ARL8B: variants seen among roughly 807,000 people sequenced by gnomAD.
The protein encoded by ARL8B is ARF like GTPase 8B, also known as ADP-ribosylation factor-like protein 8B.
In ARL8B, 9 loss-of-function variants were observed where a neutral mutation model predicts 30.6. The observed-to-expected ratio is 0.29, with a 90% CI of 0.18 to 0.51. ARL8B has a LOEUF of 0.51. Among genes scored for constraint, ARL8B ranks in the 20% least tolerant of loss-of-function variants. ARL8B has a pLI of 0.97. For missense variants in ARL8B, 130 were observed against 227.2 expected (o/e 0.57, Z 2.75); for synonymous variants, 74 against 76.0 (o/e 0.97, Z 0.14).
At chr3:5,165,638 A>G (rs2054617330) in intron 1 of ARL8B, among the ~76,000 whole-genome samples, 1 of 152,186 alleles carries the variant, frequency 6.6e-6, no homozygotes, top group African/African-American at 2.4e-5. Context: ...GTGGCTTGAT[A>G]ACTACACCCT....
intron 1 of ARL8B, among the ~76,000 whole-genome samples, chr3:5,133,090 T>C (rs1559275929): frequency 7.6e-6 from 1 of 131,136 alleles, no homozygotes; most frequent in African/African-American, 3.3e-5. Context: ...GAACTGCCGA[T>C]ATCATGTGGG....
At chr3:5,134,356 GT>G (rs1357546581) in intron 1 of ARL8B, among the ~76,000 whole-genome samples, 4 of 152,184 alleles carry the variant, frequency 2.6e-5, no homozygotes, top group Admixed American at 2.0e-4. Flanking sequence ...CCCAGAAGAG[GT>G]CTTTAATAGC....
At chr3:5,170,447 T>G (rs1025539377) in intron 1 of ARL8B, 56 bp from the exon 2 acceptor site, 4 of 1,187,390 alleles carry the variant, frequency 3.4e-6, no homozygotes, top group Non-Finnish European at 4.9e-6. Flanking sequence ...TATTAGAAGT[T>G]TATGCAGTGT....
intron 1 of ARL8B, among the ~76,000 whole-genome samples, chr3:5,128,955 A>T (rs1333496368): frequency 2.6e-5 from 4 of 152,068 alleles, no homozygotes; most frequent in Admixed American, 1.3e-4. Context: ...CCATTGTGGT[A>T]TGTCTTGTGG....
chr3:5,170,393 T>C, intron 1 of ARL8B, 110 bp from the exon 2 acceptor site: 1 of 610,732 alleles, frequency 1.6e-6, no homozygotes, highest in Non-Finnish European at 2.7e-6. Context: ...TTGTTACCAA[T>C]GGTAAAAAAA....
intron 1 of ARL8B, among the ~76,000 whole-genome samples, chr3:5,152,005 C>G (rs1189606107): frequency 6.6e-6 from 1 of 152,170 alleles, no homozygotes; most frequent in East Asian, 1.9e-4. Context: ...CCATTGTGCC[C>G]AGGCAAAGCT....
intron 1 of ARL8B, 151 bp from the exon 2 acceptor site, chr3:5,170,352 A>C: frequency 9.4e-5 from 38 of 403,242 alleles, no homozygotes; most frequent in Non-Finnish European, 1.2e-4. Flanking sequence ...TTCAAGAATT[A>C]TGGCCATAAG....
intron 1 of ARL8B, among the ~76,000 whole-genome samples, chr3:5,167,560 C>G (rs114921461): frequency 1.3e-5 from 2 of 152,138 alleles, no homozygotes; most frequent in East Asian, 1.9e-4. Context: ...TCTTTCCCCC[C>G]CAAGTCAGAT....
At chr3:5,125,117 T>C (rs188094170) in intron 1 of ARL8B, among the ~76,000 whole-genome samples, 1 of 152,320 alleles carries the variant, frequency 6.6e-6, no homozygotes, top group African/African-American at 2.4e-5. Flanking sequence ...TTAGCAGCCT[T>C]ACATCCTCTT....
chr3:5,161,484 G>A (rs1292391119), intron 1 of ARL8B, among the ~76,000 whole-genome samples: 1 of 152,124 alleles, frequency 6.6e-6, no homozygotes, highest in Non-Finnish European at 1.5e-5. Context: ...GGTTTGAGTG[G>A]GTCTGTTTGT....
At chr3:5,128,921 T>G (rs535398630) in intron 1 of ARL8B, among the ~76,000 whole-genome samples, 20 of 152,346 alleles carry the variant, frequency 1.3e-4, no homozygotes, top group Non-Finnish European at 2.5e-4. Flanking sequence ...ATCTAAAACA[T>G]TTTTCATGTC....
At chr3:5,149,570 T>C (rs932443224) in intron 1 of ARL8B, among the ~76,000 whole-genome samples, 5 of 152,236 alleles carry the variant, frequency 3.3e-5, no homozygotes, top group African/African-American at 1.2e-4. Flanking sequence ...GGAGTTACAA[T>C]CTTCCCAGAT....
intron 1 of ARL8B, among the ~76,000 whole-genome samples, chr3:5,149,388 G>T (rs1471447403): frequency 1.3e-5 from 2 of 152,198 alleles, no homozygotes; most frequent in Non-Finnish European, 1.5e-5. Flanking sequence ...AGAGATCCTG[G>T]TTGGGCCCCC....
intron 2 of ARL8B, 86 bp from the exon 3 acceptor site, chr3:5,172,064 C>T: frequency 9.4e-6 from 12 of 1,282,476 alleles, no homozygotes; most frequent in Non-Finnish European, 1.2e-5. Context: ...ATATATCTTC[C>T]CGATCTTTCT....
chr3:5,148,287 A>G (rs776171829), intron 1 of ARL8B, among the ~76,000 whole-genome samples: 8 of 152,160 alleles, frequency 5.3e-5, no homozygotes, highest in African/African-American at 1.4e-4. Context: ...TACAAAGCCA[A>G]TATCTCTGTG....
intron 1 of ARL8B, among the ~76,000 whole-genome samples, chr3:5,125,713 A>G (rs1432748535): frequency 6.6e-6 from 1 of 152,052 alleles, no homozygotes; most frequent in Non-Finnish European, 1.5e-5. Flanking sequence ...TTGTATTTTT[A>G]GTAGAGACGG....
chr3:5,174,835 C>T (rs1489176254), intron 6 of ARL8B, among the ~76,000 whole-genome samples: 2 of 150,412 alleles, frequency 1.3e-5, no homozygotes, highest in Admixed American at 6.7e-5. Context: ...GACAGTGTCA[C>T]TCCTTCACCC....
In ARL8B at chr3:5,174,334, C is replaced by A; in HGVS notation, c.441-10C>A. The A allele has an allele frequency of 6.3e-7, 1 of 1,581,496 alleles. No individual in the cohort carries two copies. The highest frequency in any genetic ancestry group is 8.7e-7 in the Non-Finnish European group (1 of 1,150,966). On this transcript the variant is annotated splice_polypyrimidine_tract_variant and intron_variant, in intron 5 of 6. Coordinates refer to ENST00000256496, the MANE Select transcript of ARL8B (RefSeq NM_018184.3). ...TAAGCACAGACTTATCCTTTTAATT[C>A]TTCTCATAGGAATCTGTCTGCTATT...
chr3:5,135,558 A>C (rs2054317319), intron 1 of ARL8B, among the ~76,000 whole-genome samples: 1 of 151,298 alleles, frequency 6.6e-6, no homozygotes, highest in African/African-American at 2.4e-5. Context: ...TCCCAGGTTC[A>C]AACGATTCTC....
Sources: allele counts gnomAD v4.1 joint callset (sites outside exome capture counted in the v4.1 genomes callset), GRCh38; gene constraint gnomAD v4.1.1; transcripts MANE v1.5; gene names NCBI Gene and HGNC (gene_info 2026-07-23, HGNC 2026-07-21).